The following SMG7 variants were observed in gnomAD, a reference collection of about 807,000 sequenced individuals.
SMG7 encodes SMG7 nonsense mediated mRNA decay factor.
In SMG7, 34 loss-of-function variants were observed where a neutral mutation model predicts 148.2. That is an observed-to-expected ratio of 0.23 (90% CI 0.17 to 0.31). The LOEUF (loss-of-function observed/expected upper bound fraction) is 0.31, where lower values mean the gene tolerates loss of function less well. Ranked by LOEUF, SMG7 falls within the 10% of genes least tolerant of loss-of-function variation. SMG7 has a pLI of 1.00. For missense variants in SMG7, 1,114 were observed against 1,408.4 expected (o/e 0.79, Z 3.35); for synonymous variants, 492 against 515.1 (o/e 0.96, Z 0.61).
intron 1 of SMG7, chr1:183,508,170 T>A: frequency 1.0e-6 from 1 of 958,146 alleles, no homozygotes; most frequent in African/African-American, 1.8e-5. Flanking sequence ...AACAAAACCA[T>A]AGAACAATTG....
rs1430346028 is a variant in SMG7 at position 183,545,317 on chromosome 1, G to A, written c.2370+5G>A. On this transcript the variant is annotated splice_donor_5th_base_variant and intron_variant, in intron 16 of 22. Transcript: ENST00000688051. ...CACCACTCTGGATTCCAGCAGGTAAGTTACAGTTGTGTGTACTATCCAGCT... is the reference window on the plus strand; with the variant it reads ...CACCACTCTGGATTCCAGCAGGTAAATTACAGTTGTGTGTACTATCCAGCT... 2 of 1,605,942 alleles carry A rather than the reference G, an allele frequency of 1.2e-6. No individual in the cohort carries two copies. Among genetic ancestry groups the A allele is most frequent in the Admixed American group, 1.7e-5 (1 of 59,980 alleles).
intron 18 of SMG7, 190 bp from the exon 19 acceptor site, chr1:183,549,018 G>C (rs1177908099): frequency 1.7e-6 from 1 of 587,090 alleles, no homozygotes; most frequent in Admixed American, 3.2e-5. Context: ...AGGATTCTAT[G>C]CACCTGTGGC....
chr1:183,528,682 C>G (rs1351170797), intron 6 of SMG7, among the ~76,000 whole-genome samples: 1 of 152,164 alleles, frequency 6.6e-6, no homozygotes, highest in African/African-American at 2.4e-5. Flanking sequence ...GCTCTCTACC[C>G]TAATATTGAC....
intron 1 of SMG7, among the ~76,000 whole-genome samples, chr1:183,504,306 T>C (rs1280006168): frequency 2.0e-5 from 3 of 152,034 alleles, no homozygotes; most frequent in Non-Finnish European, 4.4e-5. Flanking sequence ...CTTCTAGCGA[T>C]TTTTCTGTTG....
rs558948865 is a variant in SMG7, at chr1:183,552,287, A to G, written c.*356A>G. The G allele has an allele frequency of 4.1e-5, 42 of 1,014,642 alleles. No individual in the cohort carries two copies. The highest frequency in any genetic ancestry group is 1.2e-4 in the African/African-American group (7 of 58,588). 62.9% of individuals were successfully genotyped at this position (1,014,642 alleles called of 1,614,324 possible). ...AAGGGAAGGCAGATGGGAGAAGCCAATGGGAACTTCTCAGTCCTTTTTTCC... is the reference window on the plus strand; with the variant it reads ...AAGGGAAGGCAGATGGGAGAAGCCAGTGGGAACTTCTCAGTCCTTTTTTCC... On this transcript the variant is annotated 3_prime_UTR_variant, in exon 23 of 23. Coordinates refer to ENST00000688051, the MANE Select transcript of SMG7 (RefSeq NM_001375584.1).
At chr1:183,551,344 A>G (rs1363958909) in intron 22 of SMG7, among the ~76,000 whole-genome samples, 154 bp downstream of exon 22, 1 of 152,232 alleles carries the variant, frequency 6.6e-6, no homozygotes, top group Non-Finnish European at 1.5e-5. Flanking sequence ...CTGCCTTACA[A>G]GATTCTTGAG....
intron 10 of SMG7, among the ~76,000 whole-genome samples, chr1:183,534,821 C>T (rs984343462): frequency 4.6e-5 from 7 of 151,518 alleles, no homozygotes; most frequent in Non-Finnish European, 7.4e-5. Flanking sequence ...GAGCTGAGAT[C>T]GCGCCATTGT....
intron 12 of SMG7, among the ~76,000 whole-genome samples, chr1:183,540,525 T>G (rs1426698658): frequency 1.3e-5 from 2 of 152,154 alleles, no homozygotes; most frequent in Admixed American, 1.3e-4. Context: ...TTACGATATT[T>G]ATACATTTTT....
At chr1:183,515,288 G>A (rs149661283) in intron 2 of SMG7, among the ~76,000 whole-genome samples, 225 of 152,192 alleles carry the variant, frequency 1.5e-3, no homozygotes, top group African/African-American at 5.1e-3. Context: ...ACAGTCTACC[G>A]CTCATTAAAA....
At chr1:183,534,641 A>G (rs1355346146) in intron 10 of SMG7, among the ~76,000 whole-genome samples, 1 of 152,068 alleles carries the variant, frequency 6.6e-6, no homozygotes, top group Non-Finnish European at 1.5e-5. Flanking sequence ...CAGGCGGATC[A>G]CTTGAGGTCA....
At chr1:183,485,506 C>T (rs908224909) in intron 1 of SMG7, among the ~76,000 whole-genome samples, 1 of 152,080 alleles carries the variant, frequency 6.6e-6, no homozygotes, top group African/African-American at 2.4e-5. Context: ...GCTATTCCTC[C>T]CTTATTATAG....
intron 1 of SMG7, among the ~76,000 whole-genome samples, chr1:183,492,933 G>C (rs1657427106): frequency 6.6e-6 from 1 of 152,046 alleles, no homozygotes; most frequent in Non-Finnish European, 1.5e-5. Context: ...TTTCTCCTGT[G>C]ATTTATTCTT....
rs567798208 is a variant in SMG7, at chr1:183,553,190, A to G, written c.*1259A>G. 6.5e-7 allele frequency: 1 copy of G among 1,535,612 alleles called. No individual in the cohort carries two copies. The highest frequency in any genetic ancestry group is 8.7e-7 in the Non-Finnish European group (1 of 1,146,224). On this transcript the variant is annotated 3_prime_UTR_variant, in exon 23 of 23. Coordinates refer to ENST00000688051, the MANE Select transcript of SMG7 (RefSeq NM_001375584.1). ...TCGTCCATTTTGGAAGAGACGAAAG[A>G]AAGGAAAATAAACTCTTTGTATGAT...
At chr1:183,529,592 G>A in intron 8 of SMG7, 59 bp downstream of exon 8, 3 of 1,429,304 alleles carry the variant, frequency 2.1e-6, no homozygotes, top group Non-Finnish European at 2.9e-6. Flanking sequence ...ATAACATTTG[G>A]AGGAAACTGA....
At chr1:183,534,822 G>A (rs909902973) in intron 10 of SMG7, among the ~76,000 whole-genome samples, 3 of 151,692 alleles carry the variant, frequency 2.0e-5, no homozygotes, top group Non-Finnish European at 4.4e-5. Context: ...AGCTGAGATC[G>A]CGCCATTGTA....
rs1296245189 is a variant in SMG7, at chr1:183,551,073, C to T, written c.3333C>T (p.Leu1111=). The change falls in exon 22 of 23, where the codon CTC becomes CTT. Residue 1111 remains leucine (L), a synonymous_variant. Coordinates refer to ENST00000688051, the MANE Select transcript of SMG7 (RefSeq NM_001375584.1). ...PAMGGFGIDY[L]SATSSSESSW... ...TGGGTGGGTTTGGCATTGATTATCT[C>T]TCAGCAACGTCATCCTCTGAGAGCA... is the stretch of plus-strand genomic sequence containing the variant. The T allele has an allele frequency of 1.2e-6, 2 of 1,613,916 alleles. No individual in the cohort carries two copies. The highest frequency in any genetic ancestry group is 1.1e-5 in the South Asian group (1 of 91,074).
chr1:183,525,318 G>A (rs6662844), intron 4 of SMG7, among the ~76,000 whole-genome samples: 77,897 of 151,916 alleles, frequency 0.51, 20,109 homozygotes, highest in East Asian at 0.65. Flanking sequence ...AAAAATATCC[G>A]TTGTATTTGG....
Position 183,533,422 on chromosome 1 carries a change from A to G in SMG7, c.1006+96A>G, listed in dbSNP as rs952497745. 4.5e-6 allele frequency: 6 copies of G among 1,318,870 alleles called. No homozygotes were observed. In the Admixed American group the frequency reaches 1.0e-4, roughly 23 times the overall value. The allele number at this position is 1,318,870 out of a possible 1,614,324, so 81.7% of individuals were successfully genotyped here. On this transcript the variant is annotated intron_variant, in intron 9 of 22. Coordinates refer to ENST00000688051, the MANE Select transcript of SMG7 (RefSeq NM_001375584.1). ...GCAAAGCACAGTGACATAAAAAAGC[A>G]TAGTGTATTTCTTACACTGAATCAG...
chr1:183,542,281 G>C lies in SMG7; in HGVS notation c.1621G>C (p.Glu541Gln). The stretch of plus-strand genomic sequence containing the variant: ...TTTAAGCAACAACTGTGACACAGGA[G>C]AGAAGCCAGTGGTTACCTTCAAAGA... ...RNLSNNCDTG[E>Q]KPVVTFKENI... The change falls in exon 14 of 23, where the codon GAG (glutamate) becomes CAG (glutamine). Residue 541 changes from glutamate (E) to glutamine (Q), a missense_variant. Coordinates refer to ENST00000688051, the MANE Select transcript of SMG7 (RefSeq NM_001375584.1). 6.2e-7 allele frequency: 1 copy of C among 1,614,136 alleles called. No homozygotes were observed. The highest frequency in any genetic ancestry group is 8.5e-7 in the Non-Finnish European group (1 of 1,179,998).
Sources: gnomAD v4.1 joint callset for allele counts (sites outside exome capture counted in the v4.1 genomes callset) on GRCh38, gnomAD v4.1.1 for gene constraint, MANE v1.5 for transcripts, NCBI Gene and HGNC (gene_info 2026-07-23, HGNC 2026-07-21) for gene names.